The following ABCB5 variants were observed in gnomAD, a reference collection of about 807,000 sequenced individuals.
The protein encoded by ABCB5 is ATP-binding cassette sub-family B member 5.
In ABCB5, 155 loss-of-function variants were observed where a neutral mutation model predicts 144.2. The observed-to-expected ratio is 1.08, with a 90% CI of 0.94 to 1.23. ABCB5 has a LOEUF of 1.23. ABCB5 is among the 50% of genes most tolerant of loss of function. The probability of loss-of-function intolerance (pLI) is 0.00; values close to 1 mark genes in which losing one functional copy is unlikely to be tolerated. For synonymous variants in ABCB5, 610 were observed against 528.6 expected, an observed-to-expected ratio of 1.15 and a Z score of -2.11; for missense variants, 1,830 against 1,520.8, an observed-to-expected ratio of 1.20 and a Z score of -3.38.
At position 20,723,022 on chromosome 7, in the gene ABCB5, G is replaced by C. The variant is rs752230857; in HGVS notation, c.2428G>C (p.Gly810Arg). 2.5e-6 allele frequency: 4 copies of C among 1,613,904 alleles called. No homozygotes were observed. Among genetic ancestry groups the C allele is most frequent in the Admixed American group, 1.7e-5 (1 of 59,986 alleles). Residue 810 changes from glycine to arginine, a missense_variant, in exon 21 of 28, where the codon GGT becomes CGT. Coordinates refer to ENST00000404938, the MANE Select transcript of ABCB5 (RefSeq NM_001163941.2). ...IDIAQIQGAT[G>R]SRIGVLTQNA... ...AAAATATGTCTGATTATAGGCAACA[G>C]GTTCCAGGATTGGCGTCTTAACACA...
chr7:20,716,502 C>CT (rs1583446645), intron 20 of ABCB5, among the ~76,000 whole-genome samples: 3 of 151,440 alleles, frequency 2.0e-5, no homozygotes, highest in Middle Eastern at 3.4e-3. Context: ...GGGCAAAGAC[C>CT]AATTTTTTTT....
intron 5 of ABCB5, among the ~76,000 whole-genome samples, chr7:20,636,820 C>G (rs971645236): frequency 6.7e-6 from 1 of 149,036 alleles, no homozygotes; most frequent in Non-Finnish European, 1.5e-5. Context: ...AAGGAATTAC[C>G]TATAATATTC....
At chr7:20,623,162 C>T in intron 1 of ABCB5, 103 bp from the exon 2 acceptor site, 2 of 727,626 alleles carry the variant, frequency 2.7e-6, no homozygotes, top group Non-Finnish European at 4.6e-6. Flanking sequence ...TGAGATGCTT[C>T]CTTTTTCAAA....
chr7:20,744,774 TA>T (rs937225844), intron 25 of ABCB5, among the ~76,000 whole-genome samples: 6 of 151,228 alleles, frequency 4.0e-5, no homozygotes, highest in Non-Finnish European at 5.9e-5. Flanking sequence ...ATAATAAAAT[TA>T]AAAAAATATA....
intron 16 of ABCB5, among the ~76,000 whole-genome samples, chr7:20,692,326 A>G (rs1287996752): frequency 6.6e-6 from 1 of 152,090 alleles, no homozygotes; most frequent in Non-Finnish European, 1.5e-5. Flanking sequence ...AAGATAATGG[A>G]GCAATATTTT....
chr7:20,655,603 G>A (rs1239896585), intron 13 of ABCB5, among the ~76,000 whole-genome samples: 1 of 151,932 alleles, frequency 6.6e-6, no homozygotes, highest in Non-Finnish European at 1.5e-5. Flanking sequence ...TAAATTTAAT[G>A]AAAGACGTGC....
intron 1 of ABCB5, among the ~76,000 whole-genome samples, chr7:20,618,757 G>A (rs1265823354): frequency 8.3e-6 from 1 of 120,142 alleles, no homozygotes; most frequent in Non-Finnish European, 1.7e-5. Flanking sequence ...TATATGTGCT[G>A]CATTTTCTTT....
intron 14 of ABCB5, among the ~76,000 whole-genome samples, chr7:20,678,108 C>G (rs1785673209): frequency 6.6e-6 from 1 of 152,152 alleles, no homozygotes; most frequent in Non-Finnish European, 1.5e-5. Flanking sequence ...TAAGTAAGAA[C>G]AGGTACTATT....
At chr7:20,706,058 T>C (rs538355746) in intron 20 of ABCB5, among the ~76,000 whole-genome samples, 4 of 152,286 alleles carry the variant, frequency 2.6e-5, no homozygotes, top group African/African-American at 9.6e-5. Flanking sequence ...ATTTAGATTC[T>C]AAAATAGGGC....
intron 5 of ABCB5, among the ~76,000 whole-genome samples, chr7:20,633,111 T>G (rs6945713): frequency 2.0e-5 from 3 of 151,640 alleles, no homozygotes; most frequent in African/African-American, 7.3e-5. Flanking sequence ...AACATAAAAA[T>G]AGTAAGGTTT....
intron 23 of ABCB5, among the ~76,000 whole-genome samples, chr7:20,732,880 C>T (rs1782267179): frequency 2.0e-5 from 3 of 152,204 alleles, no homozygotes; most frequent in Admixed American, 1.3e-4. Context: ...CTGCAAATGA[C>T]ACCCGTTAGG....
chr7:20,728,414 T>A lies in ABCB5; in HGVS notation c.2826T>A (p.Tyr942Ter). The A allele has an allele frequency of 6.2e-7, 1 of 1,614,184 alleles. No individual in the cohort carries two copies. The highest frequency in any genetic ancestry group is 1.1e-5 in the South Asian group (1 of 91,088). Reference protein sequence around the residue: ...AYAAGFRFGAYLIQAGRMTPE... With the variant: ...AYAAGFRFGA Reference sequence around the variant, plus strand: ...CGGCAGGGTTTCGATTTGGAGCCTATTTAATTCAAGCTGGACGAATGACCC... The same window carrying A: ...CGGCAGGGTTTCGATTTGGAGCCTAATTAATTCAAGCTGGACGAATGACCC... The change falls in exon 23 of 28, where the codon TAT becomes TAA. Residue 942 changes from tyrosine to a stop codon, truncating the protein, a stop_gained. Coordinates refer to ENST00000404938, the MANE Select transcript of ABCB5 (RefSeq NM_001163941.2). LOFTEE classifies it high-confidence loss of function.
At chr7:20,735,760 G>A (rs936113970) in intron 23 of ABCB5, among the ~76,000 whole-genome samples, 2 of 152,226 alleles carry the variant, frequency 1.3e-5, no homozygotes, top group African/African-American at 4.8e-5. Context: ...CTGCAAGGAA[G>A]ACCATGTAGG....
chr7:20,687,952 G>A (rs939979632), intron 16 of ABCB5, among the ~76,000 whole-genome samples: 1 of 152,150 alleles, frequency 6.6e-6, no homozygotes, highest in Non-Finnish European at 1.5e-5. Flanking sequence ...AGCACTTTGG[G>A]AGGCTGAGGT....
intron 24 of ABCB5, among the ~76,000 whole-genome samples, chr7:20,739,655 C>A (rs540583696): frequency 6.6e-6 from 1 of 152,032 alleles, no homozygotes; most frequent in African/African-American, 2.4e-5. Flanking sequence ...GATTCTTATA[C>A]TGAATTCTAC....
At chr7:20,699,685 C>A in intron 17 of ABCB5, 140 bp from the exon 18 acceptor site, 4 of 541,540 alleles carry the variant, frequency 7.4e-6, no homozygotes, top group Non-Finnish European at 1.3e-5. Flanking sequence ...CCAGCCTGGG[C>A]GACAGAGCAA....
intron 26 of ABCB5, 74 bp downstream of exon 26, chr7:20,745,512 GT>G: frequency 7.7e-7 from 1 of 1,290,628 alleles, no homozygotes; most frequent in South Asian, 1.3e-5. Flanking sequence ...CTATGCAGTT[GT>G]TTTTATGTAT....
chr7:20,685,669 T>G, intron 15 of ABCB5, 27 bp from the exon 16 acceptor site: 5 of 1,561,008 alleles, frequency 3.2e-6, no homozygotes, highest in Non-Finnish European at 4.3e-6. Context: ...ATTCTTATAA[T>G]GATAACCTAT....
At chr7:20,733,613 T>C (rs1782290756) in intron 23 of ABCB5, among the ~76,000 whole-genome samples, 1 of 151,548 alleles carries the variant, frequency 6.6e-6, no homozygotes, top group Non-Finnish European at 1.5e-5. Flanking sequence ...GCCACTGGTA[T>C]CACTTTTCTT....
Sources: gnomAD v4.1 joint callset for allele counts (sites outside exome capture counted in the v4.1 genomes callset) on GRCh38, gnomAD v4.1.1 for gene constraint, MANE v1.5 for transcripts, NCBI Gene and HGNC (gene_info 2026-07-23, HGNC 2026-07-21) for gene names.